TENM3: variants seen among roughly 807,000 people sequenced by gnomAD.
TENM3 encodes teneurin-3.
A neutral mutation model predicts 255.1 loss-of-function variants in TENM3; 63 were observed. The ratio of observed to expected loss-of-function variants is 0.25; its 90% CI spans 0.20 to 0.30. The LOEUF (loss-of-function observed/expected upper bound fraction) is 0.30, where lower values mean the gene tolerates loss of function less well. Among genes scored for constraint, TENM3 ranks in the 10% least tolerant of loss-of-function variants. TENM3 has a pLI of 1.00. For synonymous variants in TENM3, 1,306 were observed against 1,322.3 expected (o/e 0.99, Z 0.27); for missense variants, 2,929 against 3,461.1 (o/e 0.85, Z 3.86).
chr4:182,754,343 G>C lies in TENM3; in HGVS notation c.4018-42G>C, dbSNP rs1238106631. The C allele has an allele frequency of 1.3e-6, 2 of 1,513,958 alleles. No homozygotes were observed. Among genetic ancestry groups the C allele is most frequent in the Non-Finnish European group, 1.8e-6 (2 of 1,126,280 alleles). The allele number at this position is 1,513,958 out of a possible 1,614,324, so 93.8% of individuals were successfully genotyped here. A position where few individuals can be genotyped will look rare whatever the true frequency, so the allele number is the denominator to read the frequency against. ...TTACTCTTCTGGCGAATTAACTGTAGTGCAGTAACTTACTAACCAGGCCAT... is the reference window on the plus strand; with the variant it reads ...TTACTCTTCTGGCGAATTAACTGTACTGCAGTAACTTACTAACCAGGCCAT... On this transcript the variant is annotated intron_variant, in intron 21 of 27. Transcript: ENST00000511685. This position sits in a 1 kb window ranked among gnomAD's most constrained non-coding sequence, Gnocchi z 5.1.
chr4:181,673,068 T>C, the TENM3 span, among the ~76,000 whole-genome samples: 1 of 152,182 alleles, frequency 6.6e-6, no homozygotes, highest in Non-Finnish European at 1.5e-5. Context: ...GTAAAAAAGC[T>C]AGAACTAGGA....
intron 12 of TENM3, among the ~76,000 whole-genome samples, chr4:182,707,056 A>G (rs1269744674): frequency 1.3e-5 from 2 of 152,114 alleles, no homozygotes; most frequent in African/African-American, 4.8e-5. Flanking sequence ...GGGACGATTT[A>G]CACATTAAGT....
chr4:181,709,739 C>T, the TENM3 span, among the ~76,000 whole-genome samples: 3 of 152,164 alleles, frequency 2.0e-5, no homozygotes, highest in Non-Finnish European at 4.4e-5. Flanking sequence ...AACTGGGAGA[C>T]TAGTTGGGAG....
the TENM3 span, among the ~76,000 whole-genome samples, chr4:182,065,241 G>T: frequency 7.9e-3 from 1,199 of 152,124 alleles, 13 homozygotes; most frequent in African/African-American, 0.028. Context: ...CACCATGTTG[G>T]CCAGGCTGGT....
chr4:181,817,539 G>A, the TENM3 span, among the ~76,000 whole-genome samples: 1 of 152,184 alleles, frequency 6.6e-6, no homozygotes, highest in Non-Finnish European at 1.5e-5. Flanking sequence ...TAGTCAGAAT[G>A]TGTGTTCCCC....
At chr4:182,354,066 AC>A (rs1765365296) in intron 3 of TENM3, among the ~76,000 whole-genome samples, 1 of 152,174 alleles carries the variant, frequency 6.6e-6, no homozygotes, top group African/African-American at 2.4e-5. Context: ...TGTTGTTGTT[AC>A]TACAGGCTTA....
chr4:182,319,444 G>A (rs891063060), intron 1 of TENM3, among the ~76,000 whole-genome samples: 7 of 152,170 alleles, frequency 4.6e-5, no homozygotes, highest in African/African-American at 1.7e-4. Context: ...AACTATGTAC[G>A]AAAATGAAAA....
At chr4:181,643,628 C>T in the TENM3 span, among the ~76,000 whole-genome samples, 1,005 of 152,284 alleles carry the variant, frequency 6.6e-3, 14 homozygotes, top group African/African-American at 0.023. Flanking sequence ...CAGACAAGAT[C>T]TACACCAGTG....
intron 3 of TENM3, among the ~76,000 whole-genome samples, chr4:182,428,512 T>C (rs1771395938): frequency 6.6e-6 from 1 of 151,534 alleles, no homozygotes; most frequent in Non-Finnish European, 1.5e-5. Context: ...TTATCTAGTA[T>C]AGAGCCAGAT....
chr4:181,670,485 T>C, the TENM3 span, among the ~76,000 whole-genome samples: 2 of 151,038 alleles, frequency 1.3e-5, no homozygotes, highest in Admixed American at 6.6e-5. Context: ...CAATGAAAGA[T>C]AGAAAAAAAG....
At chr4:181,769,281 A>G in the TENM3 span, among the ~76,000 whole-genome samples, 4 of 152,242 alleles carry the variant, frequency 2.6e-5, no homozygotes, top group Non-Finnish European at 2.9e-5. Context: ...AACCTTGGAT[A>G]TTAAACACTC....
chr4:182,591,374 C>T lies in TENM3; in HGVS notation c.512-9550C>T, dbSNP rs192575862. Among the ~76,000 whole-genome samples, 352 of 152,288 alleles carry T rather than the reference C, an allele frequency of 2.3e-3. 2 individuals are homozygous for T. Among genetic ancestry groups the T allele is most frequent in the African/African-American group, 7.5e-3 (313 of 41,542 alleles). On this transcript the variant is annotated intron_variant, in intron 3 of 27. Transcript: ENST00000511685. ...ACCCAGTAAGTACAGTGAATCACTT[C>T]ATCTGTGTTCATCTGAGTAATACCT...
chr4:181,954,173 T>C, the TENM3 span, among the ~76,000 whole-genome samples: 31,972 of 152,188 alleles, frequency 0.21, 3,728 homozygotes, highest in Non-Finnish European at 0.27. Flanking sequence ...TTTATATTTG[T>C]TGATGAATAT....
rs1363273626 is a variant in TENM3 at position 182,800,152 on chromosome 4, C to T, written c.7901C>T (p.Ala2634Val). 6.9e-7 allele frequency: 1 copy of T among 1,450,918 alleles called. No homozygotes were observed. The highest frequency in any genetic ancestry group is 1.5e-5 in the African/African-American group (1 of 66,768). The allele number at this position is 1,450,918 out of a possible 1,614,324, so 89.9% of individuals were successfully genotyped here. ...CAGCGCGCGCTCGCCCGGGCCTGGGCGCGCGAGCAGCAGCGCGTGCGCGAC... is the reference window on the plus strand; with the variant it reads ...CAGCGCGCGCTCGCCCGGGCCTGGGTGCGCGAGCAGCAGCGCGTGCGCGAC... ...ARQRALARAW[A>V]REQQRVRDGE... Residue 2634 changes from alanine to valine, a missense_variant, in exon 28 of 28, where the codon GCG (alanine) becomes GTG (valine). Ala to Val is a moderately conservative substitution (Grantham distance 64). Around this residue, in one of 6 missense-constraint regions of TENM3, gnomAD observed 476 missense variants for 480.1 expected, o/e 0.99. Coordinates refer to ENST00000511685, the MANE Select transcript of TENM3 (RefSeq NM_001080477.4).
the TENM3 span, among the ~76,000 whole-genome samples, chr4:181,893,423 T>A: frequency 6.6e-6 from 1 of 151,634 alleles, no homozygotes; most frequent in South Asian, 2.1e-4. Context: ...AGCTAATAAA[T>A]TATAGTCATC....
chr4:181,500,318 C>G, the TENM3 span, among the ~76,000 whole-genome samples: 7 of 149,608 alleles, frequency 4.7e-5, no homozygotes, highest in African/African-American at 1.5e-4. Context: ...TGTGAGCCAC[C>G]GCACCCGGCC....
chr4:182,725,222 A>G (rs762450723), intron 13 of TENM3, among the ~76,000 whole-genome samples: 2 of 152,044 alleles, frequency 1.3e-5, no homozygotes, highest in Non-Finnish European at 2.9e-5. Context: ...AACTTTTTGT[A>G]GAGATAGGGT....
chr4:182,726,033 A>T lies in TENM3; in HGVS notation c.2369-2932A>T, dbSNP rs535262241. Among the ~76,000 whole-genome samples the T allele has an allele frequency of 4.6e-5, 7 of 152,332 alleles. No individual in the cohort carries two copies. The South Asian group carries it at 1.4e-3, about 32-fold the overall frequency. ...TCATTATCTTAGAAATATAACAGAC[A>T]TGAAAATACATGCTATCATAAGGAA... On this transcript the variant is annotated intron_variant, in intron 13 of 27. Coordinates refer to ENST00000511685, the MANE Select transcript of TENM3 (RefSeq NM_001080477.4).
chr4:181,790,243 C>G, the TENM3 span, among the ~76,000 whole-genome samples: 1 of 152,102 alleles, frequency 6.6e-6, no homozygotes, highest in Non-Finnish European at 1.5e-5. Flanking sequence ...CACGTGGGTT[C>G]TGCACTGAGT....
Sources: allele counts gnomAD v4.1 joint callset (sites outside exome capture counted in the v4.1 genomes callset), GRCh38; gene constraint gnomAD v4.1.1; regional missense constraint gnomAD v4.1.1; non-coding constraint Gnocchi (gnomAD v3.1); transcripts MANE v1.5; gene names NCBI Gene and HGNC (gene_info 2026-07-23, HGNC 2026-07-21).